The following UGT2A1 variants were observed in gnomAD, a reference collection of about 807,000 sequenced individuals.
The protein encoded by UGT2A1 is UDP-glucuronosyltransferase 2A1.
Under a neutral mutation model 45.4 loss-of-function variants are expected in UGT2A1, and 61 were observed. That is an observed-to-expected ratio of 1.34 (90% CI 1.09 to 1.66). The LOEUF (loss-of-function observed/expected upper bound fraction) is 1.66. UGT2A1 is among the 40% of genes most tolerant of loss of function. The probability of loss-of-function intolerance (pLI) is 0.00; values close to 1 mark genes in which losing one functional copy is unlikely to be tolerated. For synonymous variants in UGT2A1, 229 were observed against 196.2 expected (o/e 1.17, Z -1.40); for missense variants, 649 against 574.3 (o/e 1.13, Z -1.33).
intron 3 of UGT2A1, among the ~76,000 whole-genome samples, chr4:69,629,328 C>T (rs1328204869): frequency 6.6e-6 from 1 of 152,004 alleles, no homozygotes; most frequent in Non-Finnish European, 1.5e-5. Flanking sequence ...TCAACTTGTA[C>T]ATTCCCAAAA....
Position 69,599,381 on chromosome 4 carries a change from C to G in UGT2A1, c.861G>C (p.Thr287=). Residue 287 remains threonine, a synonymous_variant, in exon 4 of 7, where the codon ACG becomes ACC. Coordinates refer to ENST00000286604, the MANE Select transcript of UGT2A1 (RefSeq NM_001252275.3). ...CAGCTTTCCCCATAGTCTCACATAA[C>G]GTAGTGGGTCTTCCTGGAGAAAATG... ...DYRLPAGRPT[T]LCETMGKAEI... is the part of the protein sequence containing the mutation. The G allele has an allele frequency of 3.7e-6, 6 of 1,613,046 alleles. No individual in the cohort carries two copies. Among genetic ancestry groups the G allele is most frequent in the South Asian group, 1.1e-5 (1 of 90,934 alleles).
chr4:69,650,136 T>A (rs1432752377), intron 1 of UGT2A1, among the ~76,000 whole-genome samples: 1 of 152,080 alleles, frequency 6.6e-6, no homozygotes, highest in African/African-American at 2.4e-5. Context: ...CAACCTCACC[T>A]TTGATGTCCA....
intron 2 of UGT2A1, among the ~76,000 whole-genome samples, chr4:69,645,799 G>T (rs1722229372): frequency 6.6e-6 from 1 of 151,712 alleles, no homozygotes; most frequent in South Asian, 2.1e-4. Context: ...TTGCGGTTCC[G>T]ACGTCATTAG....
chr4:69,646,872 G>A (rs1722282833), intron 2 of UGT2A1, 58 bp downstream of exon 2: 8 of 1,194,130 alleles, frequency 6.7e-6, no homozygotes, highest in Non-Finnish European at 9.3e-6. Flanking sequence ...TAAAGAAGAG[G>A]CTCTACAAAG....
intron 3 of UGT2A1, among the ~76,000 whole-genome samples, chr4:69,607,707 T>G (rs1475328747): frequency 6.6e-6 from 1 of 152,110 alleles, no homozygotes; most frequent in East Asian, 1.9e-4. Context: ...TACAATGAAC[T>G]CAAACAAATT....
At chr4:69,599,866 A>G (rs10023782) in intron 3 of UGT2A1, 29,839 of 153,294 alleles carry the variant, frequency 0.19, 3,554 homozygotes, top group East Asian at 0.55. Context: ...TTAAACTATA[A>G]CTACAACTAC....
intron 3 of UGT2A1, among the ~76,000 whole-genome samples, chr4:69,627,991 T>C (rs1721185055): frequency 6.6e-6 from 1 of 151,984 alleles, no homozygotes; most frequent in Non-Finnish European, 1.5e-5. Flanking sequence ...GTTGATTGTC[T>C]CTTTTGCTGG....
intron 3 of UGT2A1, 56 bp from the exon 4 acceptor site, chr4:69,599,450 AG>A: frequency 6.3e-7 from 1 of 1,582,332 alleles, no homozygotes. Flanking sequence ...TTTGCTGAGG[AG>A]AAAAAAAAGC....
At position 69,652,626 on chromosome 4, in the gene UGT2A1, A is replaced by G. The variant is rs149946052; in HGVS notation, c.-55+562T>C. On this transcript the variant is annotated intron_variant, in intron 1 of 6. Coordinates refer to ENST00000286604, the MANE Select transcript of UGT2A1 (RefSeq NM_001252275.3). ...ATTTTGCATAAAACTTATTTGATTT[A>G]TAGCATAAAACATTTGACTTATATT... Among the ~76,000 whole-genome samples the G allele has an allele frequency of 6.4e-3, 969 of 152,270 alleles. 11 individuals are homozygous for G. The highest frequency in any genetic ancestry group is 0.022 in the African/African-American group (914 of 41,564).
At chr4:69,633,358 T>C (rs1721491096) in intron 3 of UGT2A1, among the ~76,000 whole-genome samples, 2 of 152,260 alleles carry the variant, frequency 1.3e-5, no homozygotes, top group Admixed American at 6.5e-5. Context: ...GGAACCCTAG[T>C]ATATGGCTAG....
At chr4:69,634,691 A>G (rs1385814576) in intron 3 of UGT2A1, among the ~76,000 whole-genome samples, 1 of 152,194 alleles carries the variant, frequency 6.6e-6, no homozygotes, top group East Asian at 1.9e-4. Context: ...ATAGATGCAG[A>G]AAAACATTTG....
At chr4:69,648,760 T>C (rs1722392417) in intron 1 of UGT2A1, among the ~76,000 whole-genome samples, 2 of 151,946 alleles carry the variant, frequency 1.3e-5, no homozygotes, top group Non-Finnish European at 2.9e-5. Flanking sequence ...ACCTCAGATT[T>C]CACCACTACA....
At chr4:69,592,042 G>A (rs1452237450) in intron 6 of UGT2A1, among the ~76,000 whole-genome samples, 1 of 152,116 alleles carries the variant, frequency 6.6e-6, no homozygotes, top group Admixed American at 6.6e-5. Context: ...CTGAGTCTTG[G>A]TATGAATCTA....
At position 69,647,185 on chromosome 4, in the gene UGT2A1, G is replaced by C; in HGVS notation, c.460C>G (p.Pro154Ala). Residue 154 changes from proline (P) to alanine (A), a missense_variant, in exon 2 of 7, where the codon CCT becomes GCT. Transcript: ENST00000286604. ...TTTAAAGCTACTATATCGCCACAAG[G>C]AAATACTGGATCAGACACCAGGACT... ...FEVLVSDPVF[P>A]CGDIVALKLG... 1 of 1,613,134 alleles carries C rather than the reference G, an allele frequency of 6.2e-7. No homozygotes were observed. Among genetic ancestry groups the C allele is most frequent in the Non-Finnish European group, 8.5e-7 (1 of 1,179,442 alleles).
chr4:69,642,930 T>C (rs1421595882), intron 2 of UGT2A1, among the ~76,000 whole-genome samples: 1 of 151,540 alleles, frequency 6.6e-6, no homozygotes, highest in Non-Finnish European at 1.5e-5. Flanking sequence ...CCCTTAAATG[T>C]GCCCAGTTTT....
intron 3 of UGT2A1, among the ~76,000 whole-genome samples, chr4:69,619,030 T>A (rs1720583514): frequency 6.6e-6 from 1 of 151,814 alleles, no homozygotes; most frequent in Non-Finnish European, 1.5e-5. Flanking sequence ...TATTATACAA[T>A]ATATGTATAT....
intron 3 of UGT2A1, among the ~76,000 whole-genome samples, chr4:69,605,024 A>G (rs1205234189): frequency 7.3e-6 from 1 of 136,062 alleles, no homozygotes; most frequent in Admixed American, 7.3e-5. Context: ...AGACAGAAAG[A>G]TAACAAGTAT....
intron 1 of UGT2A1, among the ~76,000 whole-genome samples, chr4:69,652,942 T>G (rs1004692197): frequency 1.3e-5 from 2 of 152,188 alleles, no homozygotes; most frequent in Non-Finnish European, 2.9e-5. Context: ...TAGACAAAAC[T>G]CTCAACTTAC....
chr4:69,636,799 A>G (rs1464920641), intron 2 of UGT2A1, among the ~76,000 whole-genome samples: 1 of 152,162 alleles, frequency 6.6e-6, no homozygotes, highest in African/African-American at 2.4e-5. Flanking sequence ...GAATAGCCAC[A>G]TATGATATCA....
Sources: gnomAD v4.1 joint callset for allele counts (sites outside exome capture counted in the v4.1 genomes callset) on GRCh38, gnomAD v4.1.1 for gene constraint, MANE v1.5 for transcripts, NCBI Gene and HGNC (gene_info 2026-07-23, HGNC 2026-07-21) for gene names.